RNF144A: variants seen among roughly 807,000 people sequenced by gnomAD.
RNF144A encodes ring finger protein 144A, also known as E3 ubiquitin-protein ligase RNF144A.
In RNF144A, 11 loss-of-function variants were observed where a neutral mutation model predicts 38.7. That is an observed-to-expected ratio of 0.28 (90% CI 0.18 to 0.47). The LOEUF is 0.47. Ranked by LOEUF, RNF144A falls within the 20% of genes least tolerant of loss-of-function variation. The pLI is 0.99. For missense variants in RNF144A, 316 were observed against 377.2 expected (o/e 0.84, Z 1.34); for synonymous variants, 149 against 143.9 (o/e 1.04, Z -0.25).
chr2:6,978,543 C>T (rs3771998), intron 2 of RNF144A: 48,557 of 152,262 alleles, frequency 0.32, 8,487 homozygotes, highest in Non-Finnish European at 0.4. Context: ...CCAGCAGGAA[C>T]GTTCCCCGCC....
At chr2:6,980,938 A>G (rs1363385505) in intron 2 of RNF144A, among the ~76,000 whole-genome samples, 1 of 152,204 alleles carries the variant, frequency 6.6e-6, no homozygotes. Context: ...GCGCACCCAC[A>G]GGCCCAATAC....
intron 2 of RNF144A, among the ~76,000 whole-genome samples, chr2:6,961,019 C>T (rs1054372169): frequency 1.3e-5 from 2 of 151,964 alleles, no homozygotes; most frequent in African/African-American, 4.8e-5. Context: ...TCAGAAAAAT[C>T]TGCTTTGCTA....
intron 2 of RNF144A, among the ~76,000 whole-genome samples, chr2:6,955,807 T>C (rs1666965044): frequency 6.6e-6 from 1 of 152,180 alleles, no homozygotes; most frequent in African/African-American, 2.4e-5. Context: ...TTTTGTTTGC[T>C]ACAGGCCCTT....
At chr2:6,992,488 G>C (rs959162685) in intron 2 of RNF144A, among the ~76,000 whole-genome samples, 6 of 152,216 alleles carry the variant, frequency 3.9e-5, no homozygotes, top group Admixed American at 3.9e-4. Context: ...TGAAGGGTTT[G>C]TAGGGTGTGG....
intron 1 of RNF144A, among the ~76,000 whole-genome samples, chr2:6,921,800 G>C (rs1469337081): frequency 6.6e-6 from 1 of 152,202 alleles, no homozygotes; most frequent in Non-Finnish European, 1.5e-5. Context: ...TCTGGGATGG[G>C]AGGGACGGGT....
intron 2 of RNF144A, among the ~76,000 whole-genome samples, chr2:6,954,947 A>G (rs1666907842): frequency 6.6e-6 from 1 of 152,220 alleles, no homozygotes; most frequent in Non-Finnish European, 1.5e-5. Context: ...TGACCCACAC[A>G]CTACCGTTTT....
At position 7,042,276 on chromosome 2, in the gene RNF144A, C is replaced by A. The variant is rs540094883; in HGVS notation, c.*2516C>A. The A allele has an allele frequency of 6.2e-5, 61 of 985,400 alleles. 1 individual carries two copies. In the South Asian group the frequency reaches 2.6e-3, roughly 42 times the overall value. 61.0% of individuals were successfully genotyped at this position (985,400 alleles called of 1,614,324 possible). On this transcript the variant is annotated 3_prime_UTR_variant, in exon 9 of 9. Coordinates refer to ENST00000320892, the MANE Select transcript of RNF144A (RefSeq NM_014746.6). ...ATGGAAATAGCACACAGGCAGATGG[C>A]CCTGGGTTTGGACTTTGATCTTGCC...
Position 6,988,454 on chromosome 2 carries a change from A to G in RNF144A, c.-11-8462A>G, listed in dbSNP as rs542850088. ...TCAGGCTTCCACTGAAGACTTTGACAGTTTTTGGTTAGGAATTTTATAGAA... is the reference window on the plus strand; with the variant it reads ...TCAGGCTTCCACTGAAGACTTTGACGGTTTTTGGTTAGGAATTTTATAGAA... On this transcript the variant is annotated intron_variant, in intron 2 of 8. Transcript: ENST00000320892. Among the ~76,000 whole-genome samples the G allele has an allele frequency of 7.2e-5, 11 of 152,238 alleles. No homozygotes were observed. In the East Asian group the frequency reaches 1.9e-3, roughly 27 times the overall value.
intron 8 of RNF144A, among the ~76,000 whole-genome samples, chr2:7,036,420 C>T (rs1312061996): frequency 1.3e-5 from 2 of 152,192 alleles, no homozygotes; most frequent in Admixed American, 6.5e-5. Context: ...GAGGGGTGCA[C>T]AGTGATAGTT....
At chr2:6,963,332 C>G (rs1157760979) in intron 2 of RNF144A, among the ~76,000 whole-genome samples, 1 of 152,210 alleles carries the variant, frequency 6.6e-6, no homozygotes, top group Admixed American at 6.5e-5. Context: ...GCAACACATT[C>G]TGATCCGATT....
chr2:6,968,875 A>G (rs372230491), intron 2 of RNF144A, among the ~76,000 whole-genome samples: 28 of 152,242 alleles, frequency 1.8e-4, no homozygotes, highest in African/African-American at 5.8e-4. Context: ...AGGCTGTCCC[A>G]TGGAGTCCCT....
At chr2:6,977,628 AACCTTTTATTGCTGTT>A (rs1341537490) in intron 2 of RNF144A, among the ~76,000 whole-genome samples, 1 of 152,218 alleles carries the variant, frequency 6.6e-6, no homozygotes, top group East Asian at 1.9e-4. Context: ...AGAAGCGGTA[AACCTTTTATTGCTGTT>A]ACAGGAGCTT....
intron 5 of RNF144A, among the ~76,000 whole-genome samples, chr2:7,015,829 C>T (rs907234571): frequency 2.0e-5 from 3 of 152,178 alleles, no homozygotes; most frequent in Middle Eastern, 3.4e-3. Context: ...CACTGATTCT[C>T]GGGTTCTTGA....
downstream of RNF144A, among the ~76,000 whole-genome samples, chr2:7,046,709 T>G (rs1673319896): frequency 2.6e-5 from 4 of 152,288 alleles, no homozygotes; most frequent in South Asian, 8.3e-4. Context: ...ACATCATGGC[T>G]CATGCTACCC....
rs1388746375 is a variant in RNF144A at position 6,947,274 on chromosome 2, TATTA to T, written c.-12+6132_-12+6135del. On this transcript the variant is annotated intron_variant, in intron 2 of 8. Coordinates refer to ENST00000320892, the MANE Select transcript of RNF144A (RefSeq NM_014746.6). ...CATTAATTTATATTTATCTTGTTTT[TATTA>T]ATTATATAATCATTACAATTGCAGT... is the stretch of plus-strand genomic sequence containing the variant. Among the ~76,000 whole-genome samples, 3 of 152,088 alleles carry T rather than the reference TATTA, an allele frequency of 2.0e-5. No individual in the cohort carries two copies. The East Asian group carries it at 5.8e-4, about 29-fold the overall frequency.
intron 2 of RNF144A, among the ~76,000 whole-genome samples, chr2:6,980,621 G>T (rs1004580148): frequency 1.3e-5 from 2 of 152,190 alleles, no homozygotes; most frequent in African/African-American, 4.8e-5. Context: ...GGGTACAGCC[G>T]CTGCAGCTGC....
chr2:6,952,392 G>T (rs1189599871), intron 2 of RNF144A, among the ~76,000 whole-genome samples: 1 of 144,556 alleles, frequency 6.9e-6, no homozygotes, highest in Non-Finnish European at 1.5e-5. Context: ...AAGAGGGAGG[G>T]TTTTTTTTTT....
intron 8 of RNF144A, among the ~76,000 whole-genome samples, chr2:7,032,140 G>C (rs989331707): frequency 6.6e-6 from 1 of 152,274 alleles, no homozygotes; most frequent in Non-Finnish European, 1.5e-5. Flanking sequence ...GAGTTGGTTT[G>C]AGCTCCTCTG....
At chr2:7,012,004 G>A (rs1430820953) in intron 3 of RNF144A, among the ~76,000 whole-genome samples, 2 of 152,152 alleles carry the variant, frequency 1.3e-5, no homozygotes, top group Non-Finnish European at 2.9e-5. Context: ...ATGGGTGTAC[G>A]CTTCATGCCA....
Sources: gnomAD v4.1 joint callset for allele counts (sites outside exome capture counted in the v4.1 genomes callset) on GRCh38, gnomAD v4.1.1 for gene constraint, MANE v1.5 for transcripts, NCBI Gene and HGNC (gene_info 2026-07-23, HGNC 2026-07-21) for gene names.